Variants in BAZ2B observed in about 807,000 individuals in gnomAD.
BAZ2B encodes bromodomain adjacent to zinc finger domain protein 2B.
BAZ2B carries 91 observed loss-of-function variants against 246.0 expected under a neutral mutation model. The ratio of observed to expected loss-of-function variants is 0.37; its 90% confidence interval spans 0.31 to 0.44. BAZ2B has a LOEUF of 0.44. BAZ2B is among the 20% of genes least tolerant of loss of function. The pLI, the probability that BAZ2B is intolerant of heterozygous loss-of-function variation, is 1.00. For missense variants in BAZ2B, 2,332 were observed against 2,533.7 expected (o/e 0.92, Z 1.71); for synonymous variants, 855 against 860.0 (o/e 0.99, Z 0.10).
intron 2 of BAZ2B, among the ~76,000 whole-genome samples, chr2:159,511,869 A>G (rs966819300): frequency 1.3e-5 from 2 of 152,196 alleles, no homozygotes; most frequent in African/African-American, 4.8e-5. Flanking sequence ...TAATGATTAC[A>G]GTGACCATAA....
intron 2 of BAZ2B, among the ~76,000 whole-genome samples, chr2:159,531,113 T>C (rs75902040): frequency 0.021 from 3,134 of 152,316 alleles, 98 homozygotes; most frequent in African/African-American, 0.066. Context: ...AGGTGTATTC[T>C]GTGGGTATTA....
chr2:159,655,834 C>T, the BAZ2B span, among the ~76,000 whole-genome samples: 2 of 152,094 alleles, frequency 1.3e-5, no homozygotes, highest in African/African-American at 2.4e-5. Flanking sequence ...TATTTAGAGT[C>T]CCCCTTTATG....
chr2:159,700,132 G>T, the BAZ2B span, among the ~76,000 whole-genome samples: 1 of 152,230 alleles, frequency 6.6e-6, no homozygotes, highest in South Asian at 2.1e-4. Flanking sequence ...AATTTTGGAG[G>T]ACATTCAGAC....
the BAZ2B span, among the ~76,000 whole-genome samples, chr2:159,663,066 TAA>T: frequency 6.6e-6 from 1 of 152,194 alleles, no homozygotes; most frequent in Non-Finnish European, 1.5e-5. Flanking sequence ...AGTTTCTTAT[TAA>T]ATGTATGATT....
intron 27 of BAZ2B, among the ~76,000 whole-genome samples, chr2:159,354,375 G>A (rs916744426): frequency 9.2e-5 from 14 of 151,724 alleles, no homozygotes; most frequent in African/African-American, 3.4e-4. Context: ...TTTTTGAGAT[G>A]GAGTCTTACT....
rs376456068 is a variant in BAZ2B, at chr2:159,347,570, T to C, written c.5370A>G (p.Glu1790=). ...CACTCAAATCCATTTCCATTGCTTG[T>C]TCTTCTACTGACCAGTTCTCCACAA... ...RDIVENWSVE[E]QAMEMDLSVL... The change falls in exon 31 of 37, where the codon GAA becomes GAG. Residue 1790 remains glutamate, a synonymous_variant. Coordinates refer to ENST00000392783, the MANE Select transcript of BAZ2B (RefSeq NM_013450.4). The C allele has an allele frequency of 9.3e-6, 15 of 1,613,526 alleles. No homozygotes were observed. In the African/African-American group the frequency reaches 1.9e-4, roughly 20 times the overall value.
At chr2:159,692,355 AC>A in the BAZ2B span, among the ~76,000 whole-genome samples, 1 of 151,948 alleles carries the variant, frequency 6.6e-6, no homozygotes, top group Admixed American at 6.6e-5. Flanking sequence ...ACGGGGTTTC[AC>A]CATGTTGGCC....
At chr2:159,438,853 T>C (rs1258541147) in intron 7 of BAZ2B, 156 bp downstream of exon 7, 4 of 1,210,728 alleles carry the variant, frequency 3.3e-6, no homozygotes, top group Non-Finnish European at 4.6e-6. Flanking sequence ...ATACCGTATG[T>C]CCCTTTAAAA....
chr2:159,579,517 TC>T (rs1201231658), intron 1 of BAZ2B, among the ~76,000 whole-genome samples: 2 of 152,150 alleles, frequency 1.3e-5, no homozygotes, highest in Admixed American at 1.3e-4. Flanking sequence ...CTGGTACCAT[TC>T]CTTCTGAAAC....
At chr2:159,462,466 C>G (rs1048015649) in intron 3 of BAZ2B, 1 of 1,114,564 alleles carries the variant, frequency 9.0e-7, no homozygotes, top group Non-Finnish European at 1.4e-6. Flanking sequence ...TGCGGGTAAC[C>G]GGAAGCTGCC....
intron 1 of BAZ2B, among the ~76,000 whole-genome samples, chr2:159,568,719 G>C (rs184771289): frequency 7.3e-4 from 111 of 152,254 alleles, no homozygotes; most frequent in African/African-American, 2.6e-3. Flanking sequence ...AGAAGATACT[G>C]ATACATGCTC....
chr2:159,588,133 C>T (rs1688463366), intron 1 of BAZ2B, among the ~76,000 whole-genome samples: 1 of 148,134 alleles, frequency 6.8e-6, no homozygotes, highest in East Asian at 2.0e-4. Context: ...TTTGAGGCTG[C>T]AGTGAGCTAC....
At chr2:159,613,885 A>G (rs115019007) in intron 1 of BAZ2B, among the ~76,000 whole-genome samples, 153 of 152,354 alleles carry the variant, frequency 1.0e-3, no homozygotes, top group Non-Finnish European at 1.8e-3. Context: ...CTGGATAAAT[A>G]GATAACACCA....
chr2:159,521,703 T>A (rs969222664), intron 2 of BAZ2B, among the ~76,000 whole-genome samples: 2 of 152,100 alleles, frequency 1.3e-5, no homozygotes, highest in Non-Finnish European at 2.9e-5. Flanking sequence ...TTCATCACAT[T>A]TATTTTCAAT....
At chr2:159,537,852 A>G (rs2086203758) in intron 2 of BAZ2B, among the ~76,000 whole-genome samples, 1 of 151,950 alleles carries the variant, frequency 6.6e-6, no homozygotes. Context: ...CAGTTAGCTG[A>G]AGTAAGTGTG....
chr2:159,691,398 TA>T, the BAZ2B span, among the ~76,000 whole-genome samples: 12 of 152,224 alleles, frequency 7.9e-5, no homozygotes, highest in African/African-American at 2.9e-4. Context: ...AATTAACACA[TA>T]TTTTTTATGT....
At chr2:159,623,165 G>A in the BAZ2B span, among the ~76,000 whole-genome samples, 1 of 150,700 alleles carries the variant, frequency 6.6e-6, no homozygotes, top group South Asian at 2.1e-4. Context: ...GAGGGAGGAG[G>A]GAAGGAGGGA....
At chr2:159,458,858 C>G (rs2076095174) in intron 3 of BAZ2B, 1 of 152,140 alleles carries the variant, frequency 6.6e-6, no homozygotes, top group Non-Finnish European at 1.5e-5. Flanking sequence ...AAACTATCAC[C>G]TCTATGCAAA....
chr2:159,601,595 C>A (rs1017698407), intron 1 of BAZ2B, among the ~76,000 whole-genome samples: 1 of 151,954 alleles, frequency 6.6e-6, no homozygotes, highest in Non-Finnish European at 1.5e-5. Context: ...ATGGCAGGTG[C>A]CTGTAATTCC....
Sources: allele counts gnomAD v4.1 joint callset (sites outside exome capture counted in the v4.1 genomes callset), GRCh38; gene constraint gnomAD v4.1.1; transcripts MANE v1.5; gene names NCBI Gene and HGNC (gene_info 2026-07-23, HGNC 2026-07-21).